Variants in RANBP2 observed in about 807,000 individuals in gnomAD.
RANBP2 encodes the protein RAN binding protein 2.
Under a neutral mutation model 303.6 loss-of-function variants are expected in RANBP2, and 57 were observed. That is an observed-to-expected ratio of 0.19 (90% CI 0.15 to 0.23). The LOEUF is 0.23. Ranked by LOEUF, RANBP2 falls within the 10% of genes least tolerant of loss-of-function variation. The pLI is 1.00. For missense variants in RANBP2, 3,138 were observed against 3,780.8 expected (o/e 0.83, Z 4.46); for synonymous variants, 1,167 against 1,301.5 (o/e 0.90, Z 2.23).
rs1351846169 is a variant in RANBP2, at chr2:108,764,354, C to T, written c.3815C>T (p.Ala1272Val). 1 of 1,613,632 alleles carries T rather than the reference C, an allele frequency of 6.2e-7. No individual in the cohort carries two copies. The highest frequency in any genetic ancestry group is 2.2e-5 in the East Asian group (1 of 44,880). The change falls in exon 20 of 29, where the codon GCA (alanine) becomes GTA (valine). Residue 1272 changes from alanine (A) to valine (V), a missense_variant. Ala to Val is a moderately conservative substitution (Grantham distance 64). Coordinates refer to ENST00000283195, the MANE Select transcript of RANBP2 (RefSeq NM_006267.5). ...RSFVWHALDY[A>V]DELPKPEQLA... ...TTTGTATGGCATGCCCTTGATTATG[C>T]AGATGAGTTGCCAAAACCAGAACAA...
chr2:109,245,574 A>G, the RANBP2 span, among the ~76,000 whole-genome samples: 1 of 152,230 alleles, frequency 6.6e-6, no homozygotes, highest in Non-Finnish European at 1.5e-5. Context: ...CTGACATGTT[A>G]TTATAGGAAC....
chr2:109,446,328 C>T, the RANBP2 span, among the ~76,000 whole-genome samples: 1 of 152,244 alleles, frequency 6.6e-6, no homozygotes, highest in Non-Finnish European at 1.5e-5. Context: ...GCACCTTCTA[C>T]ATGCCAGGGA....
At chr2:108,824,521 A>G in the RANBP2 span, among the ~76,000 whole-genome samples, 2 of 152,208 alleles carry the variant, frequency 1.3e-5, no homozygotes, top group Admixed American at 6.5e-5. Context: ...ACATATAGCT[A>G]TCAGCTCCTA....
the RANBP2 span, among the ~76,000 whole-genome samples, chr2:108,939,592 AGG>A: frequency 6.5e-3 from 140 of 21,416 alleles, no homozygotes; most frequent in Non-Finnish European, 0.05. Context: ...GAGGGCTGGG[AGG>A]AGGAGAACAT....
At chr2:109,237,363 C>T in the RANBP2 span, among the ~76,000 whole-genome samples, 3 of 152,122 alleles carry the variant, frequency 2.0e-5, no homozygotes, top group African/African-American at 7.2e-5. Flanking sequence ...AATGTTGTTT[C>T]TCAGCTTTCA....
chr2:108,946,583 T>C, the RANBP2 span, among the ~76,000 whole-genome samples: 25 of 152,294 alleles, frequency 1.6e-4, 1 homozygote, highest in South Asian at 5.0e-3. Flanking sequence ...TTTAATTGAC[T>C]CACAGTTCCA....
At chr2:109,269,944 G>T in the RANBP2 span, among the ~76,000 whole-genome samples, 13 of 152,186 alleles carry the variant, frequency 8.5e-5, no homozygotes, top group African/African-American at 2.4e-5. Context: ...CTAATAAGCT[G>T]GTTGTACAGA....
At chr2:108,849,508 A>G in the RANBP2 span, among the ~76,000 whole-genome samples, 1 of 151,976 alleles carries the variant, frequency 6.6e-6, no homozygotes, top group Non-Finnish European at 1.5e-5. Flanking sequence ...CAGTGGCTTC[A>G]TCACCTCTCC....
the RANBP2 span, among the ~76,000 whole-genome samples, chr2:109,431,202 A>G: frequency 6.6e-6 from 1 of 152,186 alleles, no homozygotes; most frequent in Non-Finnish European, 1.5e-5. Context: ...ATATCCCCAG[A>G]GATGCACTGT....
At chr2:109,298,681 C>T in the RANBP2 span, among the ~76,000 whole-genome samples, 173 of 152,242 alleles carry the variant, frequency 1.1e-3, 3 homozygotes, top group East Asian at 0.024. Flanking sequence ...CCTTCCCTGG[C>T]TCCTGTGGGT....
At chr2:109,366,112 A>G in the RANBP2 span, among the ~76,000 whole-genome samples, 3 of 152,228 alleles carry the variant, frequency 2.0e-5, no homozygotes, top group Admixed American at 1.3e-4. Context: ...CACCTCTTCT[A>G]TCTCCTAGAG....
the RANBP2 span, among the ~76,000 whole-genome samples, chr2:109,120,822 A>G: frequency 1.3e-5 from 2 of 152,128 alleles, no homozygotes; most frequent in African/African-American, 2.4e-5. Flanking sequence ...CTTCCCTCAC[A>G]TGTCCAAAGC....
At chr2:108,957,970 C>A in the RANBP2 span, among the ~76,000 whole-genome samples, 1 of 152,130 alleles carries the variant, frequency 6.6e-6, no homozygotes. Flanking sequence ...AAATGAACTA[C>A]CAGCAGTTTA....
At chr2:109,218,584 A>G in the RANBP2 span, among the ~76,000 whole-genome samples, 1 of 152,174 alleles carries the variant, frequency 6.6e-6, no homozygotes, top group African/African-American at 2.4e-5. Context: ...CTCGGTCAAA[A>G]TACAGCCTCA....
At chr2:109,529,594 G>C in the RANBP2 span, among the ~76,000 whole-genome samples, 1 of 152,228 alleles carries the variant, frequency 6.6e-6, no homozygotes, top group Non-Finnish European at 1.5e-5. Context: ...AGTAGTGTTT[G>C]GGTTTCATTT....
At chr2:109,429,523 G>T in the RANBP2 span, among the ~76,000 whole-genome samples, 18 of 152,272 alleles carry the variant, frequency 1.2e-4, no homozygotes, top group African/African-American at 4.1e-4. Flanking sequence ...CTCCCTACGC[G>T]TTGGCCACAC....
At chr2:108,809,754 G>C in the RANBP2 span, among the ~76,000 whole-genome samples, 1 of 152,046 alleles carries the variant, frequency 6.6e-6, no homozygotes, top group Non-Finnish European at 1.5e-5. Context: ...TTGCATTGAA[G>C]ATCATGTCAT....
chr2:109,422,504 C>T, the RANBP2 span, among the ~76,000 whole-genome samples: 4 of 152,226 alleles, frequency 2.6e-5, no homozygotes, highest in East Asian at 1.9e-4. Context: ...CTCAGTTGCC[C>T]GGAAACACAA....
chr2:108,847,623 T>C, the RANBP2 span, among the ~76,000 whole-genome samples: 1 of 152,252 alleles, frequency 6.6e-6, no homozygotes, highest in African/African-American at 2.4e-5. Flanking sequence ...GGTTATATTA[T>C]TAAATGTGAT....
Sources: gnomAD v4.1 joint callset for allele counts (sites outside exome capture counted in the v4.1 genomes callset) on GRCh38, gnomAD v4.1.1 for gene constraint, MANE v1.5 for transcripts, NCBI Gene and HGNC (gene_info 2026-07-23, HGNC 2026-07-21) for gene names.